The following GRIN1 variants were observed in gnomAD, a reference collection of about 807,000 sequenced individuals.
GRIN1 encodes the protein glutamate receptor ionotropic, NMDA 1.
GRIN1 carries 38 observed loss-of-function variants against 103.0 expected under a neutral mutation model. That is an observed-to-expected ratio of 0.37 (90% CI 0.28 to 0.48). The LOEUF (loss-of-function observed/expected upper bound fraction) is 0.48, where lower values mean the gene tolerates loss of function less well. Ranked by LOEUF, GRIN1 falls within the 20% of genes least tolerant of loss-of-function variation. The pLI, the probability that GRIN1 is intolerant of heterozygous loss-of-function variation, is 0.98. For synonymous variants in GRIN1, 544 were observed against 532.7 expected (o/e 1.02, Z -0.29); for missense variants, 577 against 1,288.9 (o/e 0.45, Z 8.46).
At chr9:137,159,878 C>G (rs1344138408) in intron 8 of GRIN1, among the ~76,000 whole-genome samples, 1 of 152,180 alleles carries the variant, frequency 6.6e-6, no homozygotes. Context: ...GGGTGCCTCT[C>G]CCACCACCCC....
At chr9:137,162,548 C>T in intron 13 of GRIN1, 32 bp downstream of exon 13, 1 of 1,610,864 alleles carries the variant, frequency 6.2e-7, no homozygotes, top group Non-Finnish European at 8.5e-7. Context: ...CTGGTCCCGC[C>T]TCGGCCCTCT....
chr9:137,147,626 C>CG (rs1199442718), intron 3 of GRIN1, among the ~76,000 whole-genome samples: 1 of 152,248 alleles, frequency 6.6e-6, no homozygotes, highest in East Asian at 1.9e-4. Flanking sequence ...GCGCACATAA[C>CG]GCACACACAC....
intron 4 of GRIN1, among the ~76,000 whole-genome samples, chr9:137,153,557 T>C (rs1488515727): frequency 6.6e-6 from 1 of 151,830 alleles, no homozygotes; most frequent in African/African-American, 2.4e-5. Flanking sequence ...GCACCATGCA[T>C]ACACCATACA....
chr9:137,157,088 C>CG (rs768814111), intron 6 of GRIN1, 51 bp downstream of exon 6: 16 of 295,660 alleles, frequency 5.4e-5, no homozygotes, highest in East Asian at 1.1e-4. Flanking sequence ...GGGAGGTGGG[C>CG]GGGGTCACTC....
At chr9:137,157,628 G>C (rs1237735783) in intron 6 of GRIN1, among the ~76,000 whole-genome samples, 12 of 152,192 alleles carry the variant, frequency 7.9e-5, no homozygotes, top group Admixed American at 7.9e-4. Flanking sequence ...AGCCAGGGTT[G>C]GCCAAGGCCC....
chr9:137,141,694 C>T (rs1441308768), intron 1 of GRIN1, among the ~76,000 whole-genome samples: 2 of 152,154 alleles, frequency 1.3e-5, no homozygotes, highest in Non-Finnish European at 2.9e-5. Context: ...CCATCCTCCC[C>T]GGTCCACCTT....
At chr9:137,144,224 A>G (rs915228976) in intron 2 of GRIN1, among the ~76,000 whole-genome samples, 1 of 151,778 alleles carries the variant, frequency 6.6e-6, no homozygotes, top group Non-Finnish European at 1.5e-5. Context: ...TGGGGCCAAC[A>G]CTAAACCTCC....
Position 137,167,646 on chromosome 9 carries a change from C to T in GRIN1, c.*119C>T. ...CACGGGGTCGGGGGAGGAGCACCCCCAGCCTCCCCCAGGCTGCGCCTGCCC... is the reference window on the plus strand; with the variant it reads ...CACGGGGTCGGGGGAGGAGCACCCCTAGCCTCCCCCAGGCTGCGCCTGCCC... On this transcript the variant is annotated 3_prime_UTR_variant, in exon 20 of 20. Transcript: ENST00000371561. The T allele has an allele frequency of 6.6e-7, 1 of 1,511,250 alleles. No individual in the cohort carries two copies. The highest frequency in any genetic ancestry group is 8.9e-7 in the Non-Finnish European group (1 of 1,129,624). The allele number at this position is 1,511,250 out of a possible 1,614,324, so 93.6% of individuals were successfully genotyped here.
intron 18 of GRIN1, chr9:137,164,311 C>T (rs970117436): frequency 1.3e-5 from 4 of 319,666 alleles, no homozygotes; most frequent in South Asian, 2.7e-5. Context: ...GAGACCCCCC[C>T]CTTTCCTGCT....
At position 137,167,800 on chromosome 9, in the gene GRIN1, C is replaced by T. The variant is rs772113653; in HGVS notation, c.*273C>T. The T allele has an allele frequency of 6.2e-6, 10 of 1,612,088 alleles. No homozygotes were observed. The Admixed American group carries it at 1.2e-4, about 19-fold the overall frequency. On this transcript the variant is annotated 3_prime_UTR_variant, in exon 20 of 20. Coordinates refer to ENST00000371561, the MANE Select transcript of GRIN1 (RefSeq NM_007327.4). ...AGTACCATCCCACTGATATCACGGG[C>T]CCGCTCAACCTCTCAGATCCCTCGG... is the stretch of plus-strand genomic sequence containing the variant.
Position 137,158,485 on chromosome 9 carries a change from C to T in GRIN1, c.1075C>T (p.Arg359Cys). 1.2e-6 allele frequency: 2 copies of T among 1,613,330 alleles called. No individual in the cohort carries two copies. Among genetic ancestry groups the T allele is most frequent in the Non-Finnish European group, 1.7e-6 (2 of 1,179,962 alleles). The change falls in exon 7 of 20, where the codon CGC (arginine) becomes TGC (cysteine). Residue 359 changes from arginine to cysteine, a missense_variant. Physicochemically the swap from Arg to Cys is radical, Grantham distance 180 (BLOSUM62 -3). Transcript: ENST00000371561. ...CTACAGCATCATGAACCTGCAGAAC[C>T]GCAAGCTGGTGCAAGTGGGCATCTA... ...ANYSIMNLQN[R>C]KLVQVGIYNG...
chr9:137,162,913 G>C lies in GRIN1; in HGVS notation c.2081G>C (p.Arg694Pro), dbSNP rs1245680217. The C allele has an allele frequency of 6.2e-7, 1 of 1,610,778 alleles. No individual in the cohort carries two copies. Among genetic ancestry groups the C allele is most frequent in the Non-Finnish European group, 8.5e-7 (1 of 1,179,122 alleles). The stretch of plus-strand genomic sequence containing the variant: ...CAGAGCTCCGTGGATATCTACTTCC[G>C]GCGCCAGGTGGAGCTGAGCACCATG... ...VKQSSVDIYF[R>P]RQVELSTMYR... The change falls in exon 15 of 20, where the codon CGG (arginine) becomes CCG (proline). Residue 694 changes from arginine (R) to proline (P), a missense_variant. Physicochemically the swap from Arg to Pro is moderately radical, Grantham distance 103. This residue lies in a region of GRIN1 where 59 missense variants were observed against 161.3 expected (regional missense o/e 0.37). Coordinates refer to ENST00000371561, the MANE Select transcript of GRIN1 (RefSeq NM_007327.4).
At chr9:137,166,139 A>C (rs1422522031) in intron 19 of GRIN1, among the ~76,000 whole-genome samples, 12 of 152,130 alleles carry the variant, frequency 7.9e-5, no homozygotes, top group Admixed American at 7.2e-4. Context: ...GTTCCCAGAC[A>C]GGGAGGCCTC....
intron 2 of GRIN1, among the ~76,000 whole-genome samples, chr9:137,144,606 G>A (rs2131209207): frequency 6.8e-6 from 1 of 147,762 alleles, no homozygotes; most frequent in Non-Finnish European, 1.5e-5. Context: ...AGTGAGCCGA[G>A]ATTGCACTCC....
At chr9:137,156,533 C>G (rs527511259) in intron 4 of GRIN1, 136 bp from the exon 5 acceptor site, 5 of 1,269,764 alleles carry the variant, frequency 3.9e-6, no homozygotes, top group Non-Finnish European at 4.4e-6. Context: ...AGCGCCTCTG[C>G]GAGGTCTGCA....
chr9:137,141,922 G>C, intron 1 of GRIN1, 91 bp from the exon 2 acceptor site: 2 of 1,386,298 alleles, frequency 1.4e-6, no homozygotes, highest in East Asian at 2.3e-5. Context: ...TAGCCTGCTG[G>C]GTTCAGCCCC....
At chr9:137,144,243 C>T (rs536301857) in intron 2 of GRIN1, among the ~76,000 whole-genome samples, 2 of 152,006 alleles carry the variant, frequency 1.3e-5, no homozygotes, top group Admixed American at 6.6e-5. Context: ...CCTCCATTTC[C>T]GAGATTATAT....
intron 1 of GRIN1, 116 bp from the exon 2 acceptor site, chr9:137,141,897 G>T: frequency 9.2e-7 from 1 of 1,090,016 alleles, no homozygotes; most frequent in Non-Finnish European, 1.4e-6. Flanking sequence ...CCCGAATCAT[G>T]CCCCCAGCCC....
chr9:137,165,278 T>TAG lies in GRIN1; in HGVS notation c.2683_2684dup (p.Ser896GlyfsTer160). 1 of 1,608,840 alleles carries TAG rather than the reference T, an allele frequency of 6.2e-7. No homozygotes were observed. Among genetic ancestry groups the TAG allele is most frequent in the Non-Finnish European group, 8.5e-7 (1 of 1,176,698 alleles). On this transcript the variant is annotated frameshift_variant, in exon 19 of 20. Coordinates refer to ENST00000371561, the MANE Select transcript of GRIN1 (RefSeq NM_007327.4). LOFTEE classifies it high-confidence loss of function. ...CCCTGGCTTCCAGCTTCAAGAGGCG[T>TAG]AGGTCCTCCAAAGACACGGTAAGGG...
Sources: gnomAD v4.1 joint callset for allele counts (sites outside exome capture counted in the v4.1 genomes callset) on GRCh38, gnomAD v4.1.1 for gene constraint, gnomAD v4.1.1 regional missense constraint, MANE v1.5 for transcripts, NCBI Gene and HGNC (gene_info 2026-07-23, HGNC 2026-07-21) for gene names.